Variants in ACTR3C observed in about 807,000 individuals in gnomAD.
The protein encoded by ACTR3C is actin related protein 3C.
In ACTR3C, 18 loss-of-function variants were observed where a neutral mutation model predicts 26.3. The ratio of observed to expected loss-of-function variants is 0.68; its 90% confidence interval spans 0.47 to 1.01. The LOEUF (loss-of-function observed/expected upper bound fraction) is 1.01. ACTR3C is among the 50% of genes least tolerant of loss of function. ACTR3C has a pLI of 0.00. For synonymous variants in ACTR3C, 55 were observed against 94.5 expected, an observed-to-expected ratio of 0.58 and a Z score of 2.42; for missense variants, 184 against 250.7, an observed-to-expected ratio of 0.73 and a Z score of 1.80.
At chr7:149,912,001 C>A in the ACTR3C span, among the ~76,000 whole-genome samples, 1 of 131,368 alleles carries the variant, frequency 7.6e-6, no homozygotes, top group African/African-American at 3.1e-5. Context: ...CAGAGCGAGA[C>A]CCTGTCTCGA....
chr7:150,093,856 G>A, the ACTR3C span, among the ~76,000 whole-genome samples: 2 of 150,876 alleles, frequency 1.3e-5, no homozygotes, highest in Non-Finnish European at 2.9e-5. Context: ...CCTATATGTG[G>A]GGTGACCATT....
chr7:150,171,461 C>G, the ACTR3C span, among the ~76,000 whole-genome samples: 2 of 150,698 alleles, frequency 1.3e-5, no homozygotes, highest in Non-Finnish European at 2.9e-5. Context: ...AATCATACCA[C>G]GTTAATTTTG....
the ACTR3C span, among the ~76,000 whole-genome samples, chr7:150,158,521 GA>G: frequency 6.6e-6 from 1 of 152,064 alleles, no homozygotes; most frequent in Admixed American, 6.5e-5. Flanking sequence ...AAAAAAGAAT[GA>G]AATCCTGCTA....
At chr7:149,892,854 TGTTACAGGAAGAAAAAAAGCC>T in the ACTR3C span, among the ~76,000 whole-genome samples, 1 of 148,756 alleles carries the variant, frequency 6.7e-6, no homozygotes, top group Non-Finnish European at 1.5e-5. Context: ...CTTTTAGTCT[TGTTACAGGAAGAAAAAAAGCC>T]GTTAAAATTT....
At chr7:150,159,083 C>G in the ACTR3C span, among the ~76,000 whole-genome samples, 1 of 152,136 alleles carries the variant, frequency 6.6e-6, no homozygotes, top group Non-Finnish European at 1.5e-5. Flanking sequence ...TGTCCCTTAG[C>G]TTGATCGTGG....
intron 1 of ACTR3C, among the ~76,000 whole-genome samples, chr7:150,298,329 CATAA>C (rs1419758230): frequency 1.3e-5 from 2 of 150,182 alleles, no homozygotes; most frequent in African/African-American, 2.5e-5. Context: ...AATACTAATA[CATAA>C]ATAAAGTACA....
chr7:150,012,397 C>A, the ACTR3C span, among the ~76,000 whole-genome samples: 1 of 150,726 alleles, frequency 6.6e-6, no homozygotes, highest in Non-Finnish European at 1.5e-5. Context: ...TCACTGCAAG[C>A]TCTGCCTCCC....
At chr7:150,098,077 A>C in the ACTR3C span, among the ~76,000 whole-genome samples, 1 of 151,466 alleles carries the variant, frequency 6.6e-6, no homozygotes, top group Non-Finnish European at 1.5e-5. Flanking sequence ...AGATCCACCC[A>C]TATTCCATCT....
At chr7:150,228,109 A>ATAT in the ACTR3C span, among the ~76,000 whole-genome samples, 1 of 152,146 alleles carries the variant, frequency 6.6e-6, no homozygotes, top group Admixed American at 6.5e-5. Flanking sequence ...TGACATCTTA[A>ATAT]TATTATTGAG....
chr7:150,088,777 A>G, the ACTR3C span, among the ~76,000 whole-genome samples: 4,522 of 152,074 alleles, frequency 0.03, 339 homozygotes, highest in East Asian at 0.34. Flanking sequence ...TACTAGTTCT[A>G]CGATAGTAGG....
At chr7:150,199,579 G>A in the ACTR3C span, among the ~76,000 whole-genome samples, 3 of 102,436 alleles carry the variant, frequency 2.9e-5, no homozygotes, top group East Asian at 5.0e-4. Flanking sequence ...CCCCCTCTGT[G>A]AGAAACACCC....
intron 6 of ACTR3C, among the ~76,000 whole-genome samples, chr7:150,254,557 A>C (rs752457275): frequency 1.3e-5 from 2 of 152,178 alleles, no homozygotes; most frequent in Non-Finnish European, 2.9e-5. Flanking sequence ...AGATCATGGC[A>C]TCTGGACCAT....
chr7:150,080,758 T>C, the ACTR3C span, among the ~76,000 whole-genome samples: 1 of 152,146 alleles, frequency 6.6e-6, no homozygotes, highest in Non-Finnish European at 1.5e-5. Flanking sequence ...TGGACTCTTA[T>C]ATGAGCTCCA....
the ACTR3C span, among the ~76,000 whole-genome samples, chr7:150,035,166 G>A: frequency 7.2e-5 from 10 of 138,908 alleles, no homozygotes; most frequent in Non-Finnish European, 1.3e-4. Flanking sequence ...CTAAGCCAGG[G>A]GGGGAAGAGG....
the ACTR3C span, among the ~76,000 whole-genome samples, chr7:150,107,664 T>C: frequency 1.3e-5 from 2 of 151,834 alleles, no homozygotes; most frequent in African/African-American, 2.4e-5. Flanking sequence ...GTGTGAATAA[T>C]GTGAATATAG....
At chr7:150,301,855 C>T (rs1286064624) in intron 1 of ACTR3C, among the ~76,000 whole-genome samples, 1 of 151,666 alleles carries the variant, frequency 6.6e-6, no homozygotes, top group Non-Finnish European at 1.5e-5. Context: ...ATGGGCATTC[C>T]AGGGGCAGGT....
At chr7:150,041,123 G>C in the ACTR3C span, among the ~76,000 whole-genome samples, 3 of 150,418 alleles carry the variant, frequency 2.0e-5, no homozygotes, top group Non-Finnish European at 4.4e-5. Context: ...GTAGCCCCAG[G>C]GCTGGGGCTG....
the ACTR3C span, among the ~76,000 whole-genome samples, chr7:150,048,286 C>A: frequency 2.2e-4 from 34 of 152,194 alleles, no homozygotes; most frequent in Admixed American, 5.9e-4. Context: ...CCTCGCTCCC[C>A]GCCCCCAGGC....
intron 7 of ACTR3C, chr7:150,248,098 G>T (rs1359909084): frequency 6.6e-6 from 1 of 152,296 alleles, no homozygotes; most frequent in East Asian, 1.9e-4. Flanking sequence ...CCCTGCCAGG[G>T]TTTCAGCAGG....
Sources: gnomAD v4.1 joint callset for allele counts (sites outside exome capture counted in the v4.1 genomes callset) on GRCh38, gnomAD v4.1.1 for gene constraint, MANE v1.5 for transcripts, NCBI Gene and HGNC (gene_info 2026-07-23, HGNC 2026-07-21) for gene names.